Variants in COQ3 observed in about 807,000 individuals in gnomAD.
COQ3 encodes the protein ubiquinone biosynthesis O-methyltransferase, mitochondrial.
In COQ3, 29 loss-of-function variants were observed where a neutral mutation model predicts 33.1. The observed-to-expected ratio is 0.88, with a 90% CI of 0.65 to 1.19. The LOEUF (loss-of-function observed/expected upper bound fraction) is 1.19, where lower values mean the gene tolerates loss of function less well. Among genes scored for constraint, COQ3 ranks in the 50% most tolerant of loss-of-function variants. The pLI, the probability that COQ3 is intolerant of heterozygous loss-of-function variation, is 0.00. For missense variants in COQ3, 437 were observed against 430.7 expected (o/e 1.01, Z -0.13); for synonymous variants, 173 against 157.8 (o/e 1.10, Z -0.72).
chr6:99,385,685 G>C (rs958210566), intron 1 of COQ3, among the ~76,000 whole-genome samples: 2 of 152,042 alleles, frequency 1.3e-5, no homozygotes, highest in Non-Finnish European at 1.5e-5. Flanking sequence ...AAGGAAGAAA[G>C]GGCCAGGAAT....
chr6:99,391,098 T>TTGATTGATTG (rs1554209267), intron 1 of COQ3, among the ~76,000 whole-genome samples: 23 of 133,764 alleles, frequency 1.7e-4, no homozygotes, highest in Non-Finnish European at 3.5e-4. Flanking sequence ...TTTATTTATT[T>TTGATTGATTG]ATTTATTTAT....
At chr6:99,373,353 C>T (rs1447360817) in intron 5 of COQ3, among the ~76,000 whole-genome samples, 1 of 151,976 alleles carries the variant, frequency 6.6e-6, no homozygotes, top group Non-Finnish European at 1.5e-5. Context: ...ATCACTTGAG[C>T]CCAGCAGTTT....
At position 99,380,183 on chromosome 6, in the gene COQ3, T is replaced by C; in HGVS notation, c.386+6A>G. Reference sequence around the variant, plus strand: ...TTAAAAAGACTTAGAGTTTCTGGAGTGTTACCTAATAAATGGCACCCTCAG... The same window carrying C: ...TTAAAAAGACTTAGAGTTTCTGGAGCGTTACCTAATAAATGGCACCCTCAG... On this transcript the variant is annotated splice_donor_region_variant and intron_variant, in intron 3 of 6. Transcript: ENST00000254759. The C allele has an allele frequency of 6.2e-7, 1 of 1,611,268 alleles. No homozygotes were observed.
intron 3 of COQ3, among the ~76,000 whole-genome samples, chr6:99,378,103 AACATATATATATATAT>A (rs1292883924): frequency 2.8e-5 from 2 of 72,590 alleles, no homozygotes; most frequent in African/African-American, 1.2e-4. Context: ...TTGTAAACTA[AACATATATATATATAT>A]ATATATATAT....
At chr6:99,373,140 A>T (rs1205134801) in intron 5 of COQ3, among the ~76,000 whole-genome samples, 1 of 152,232 alleles carries the variant, frequency 6.6e-6, no homozygotes, top group Non-Finnish European at 1.5e-5. Flanking sequence ...AAATATCTTA[A>T]GAATCACTTC....
In COQ3 at chr6:99,377,168, C is replaced by T. The variant is rs570028845; in HGVS notation, c.486+218G>A. 3.3e-5 allele frequency among the ~76,000 whole-genome samples: 5 copies of T among 151,544 alleles called. No homozygotes were observed. The East Asian group carries it at 1.0e-3, about 30-fold the overall frequency. ...GGGATTACAGGTGCCCGCCACCACA[C>T]CTGGCTAATTTTTGTATTTTTAGTA... On this transcript the variant is annotated intron_variant, in intron 4 of 6. Coordinates refer to ENST00000254759, the MANE Select transcript of COQ3 (RefSeq NM_017421.4).
In COQ3 at chr6:99,388,490, TC is replaced by T. The variant is rs553380129; in HGVS notation, c.107-4667del. 3.4e-3 allele frequency among the ~76,000 whole-genome samples: 399 copies of T among 117,278 alleles called. 1 individual carries two copies. Among genetic ancestry groups the T allele is most frequent in the African/African-American group, 0.012 (389 of 33,054 alleles). The allele number at this position is 117,278 out of a possible 152,430, so 76.9% of individuals were successfully genotyped here. A position where few individuals can be genotyped will look rare whatever the true frequency, so the allele number is the denominator to read the frequency against. On this transcript the variant is annotated intron_variant, in intron 1 of 6. Transcript: ENST00000254759. Reference sequence around the variant, plus strand: ...TCCTACACATTTAATACAATTCCTATCAAAATCTCAATAGCCTTTTTTTTTT... The same window carrying T: ...TCCTACACATTTAATACAATTCCTATAAAATCTCAATAGCCTTTTTTTTTT...
chr6:99,377,335 C>G (rs1774317985), intron 4 of COQ3, 51 bp downstream of exon 4: 1 of 1,276,986 alleles, frequency 7.8e-7, no homozygotes. Flanking sequence ...CACAAGTCTA[C>G]TTCTTAATTT....
intron 1 of COQ3, among the ~76,000 whole-genome samples, chr6:99,385,252 GA>G (rs1335809705): frequency 2.0e-5 from 3 of 152,202 alleles, no homozygotes; most frequent in African/African-American, 7.2e-5. Context: ...CCACTGGATA[GA>G]AAACCAGCAG....
chr6:99,383,648 C>T (rs1231481822), intron 2 of COQ3, 50 bp downstream of exon 2: 1 of 1,399,530 alleles, frequency 7.1e-7, no homozygotes, highest in Admixed American at 2.3e-5. Flanking sequence ...ATACTAAAAA[C>T]CTATTACATA....
At chr6:99,379,441 T>C (rs530601180) in intron 3 of COQ3, among the ~76,000 whole-genome samples, 1 of 152,324 alleles carries the variant, frequency 6.6e-6, no homozygotes, top group Admixed American at 6.5e-5. Context: ...TCATTCATCT[T>C]AGAGTCTTTT....
At chr6:99,376,693 AG>A (rs1425421575) in intron 4 of COQ3, among the ~76,000 whole-genome samples, 1 of 152,138 alleles carries the variant, frequency 6.6e-6, no homozygotes, top group South Asian at 2.1e-4. Flanking sequence ...CAGGTTGGCC[AG>A]GCACGGTGGC....
At chr6:99,377,011 TG>T (rs1774303277) in intron 4 of COQ3, among the ~76,000 whole-genome samples, 1 of 150,930 alleles carries the variant, frequency 6.6e-6, no homozygotes, top group African/African-American at 2.4e-5. Flanking sequence ...TGTGTGTGTG[TG>T]TGTGTGTGTG....
chr6:99,370,344 C>CT, intron 6 of COQ3, among the ~76,000 whole-genome samples: 3,262 of 101,018 alleles, frequency 0.032, 308 homozygotes, highest in African/African-American at 0.093. Context: ...CTTTTCTTTA[C>CT]TTTTTTTTTT....
At chr6:99,372,105 A>C (rs1302816791) in intron 5 of COQ3, among the ~76,000 whole-genome samples, 2 of 152,128 alleles carry the variant, frequency 1.3e-5, no homozygotes, top group African/African-American at 4.8e-5. Context: ...TCATTTTTAT[A>C]AAAAATATAA....
rs150244593 is a variant in COQ3 at position 99,380,484 on chromosome 6, C to T, written c.234-143G>A. On this transcript the variant is annotated intron_variant, in intron 2 of 6. Transcript: ENST00000254759. The stretch of plus-strand genomic sequence containing the variant: ...CTGCTCAATATTGATGCTTTAAAAC[C>T]AAGTTTTCTTATAATCACACTGCAT... 1.4e-3 allele frequency: 1,146 copies of T among 803,104 alleles called. 13 individuals carry two copies. In the African/African-American group the frequency reaches 0.016, roughly 11 times the overall value. The allele number at this position is 803,104 out of a possible 1,614,324, so 49.7% of individuals were successfully genotyped here.
At chr6:99,389,138 G>A (rs1774751442) in intron 1 of COQ3, among the ~76,000 whole-genome samples, 1 of 151,836 alleles carries the variant, frequency 6.6e-6, no homozygotes, top group African/African-American at 2.4e-5. Flanking sequence ...TGTTTTTGGG[G>A]GGAATAGGGT....
chr6:99,377,327 C>A, intron 4 of COQ3, 59 bp downstream of exon 4: 2 of 1,204,570 alleles, frequency 1.7e-6, no homozygotes, highest in Non-Finnish European at 2.5e-6. Context: ...AAATGAGGCA[C>A]AAGTCTACTT....
At chr6:99,394,000 A>C (rs1582738176) in intron 1 of COQ3, 74 bp downstream of exon 1, 1 of 1,286,122 alleles carries the variant, frequency 7.8e-7, no homozygotes, top group Non-Finnish European at 1.1e-6. Flanking sequence ...CCACCGCCCC[A>C]CCCCCGGCGC....
Sources: allele counts gnomAD v4.1 joint callset (sites outside exome capture counted in the v4.1 genomes callset), GRCh38; gene constraint gnomAD v4.1.1; transcripts MANE v1.5; gene names NCBI Gene and HGNC (gene_info 2026-07-23, HGNC 2026-07-21).